FOCAD: variants seen among roughly 807,000 people sequenced by gnomAD.
FOCAD encodes the protein focadhesin.
In FOCAD, 198 loss-of-function variants were observed where a neutral mutation model predicts 225.6. That is an observed-to-expected ratio of 0.88 (90% confidence interval 0.78 to 0.99). The LOEUF is 0.99. Among genes scored for constraint, FOCAD ranks in the 50% least tolerant of loss-of-function variants. FOCAD has a pLI of 0.00. For missense variants in FOCAD, 2,713 were observed against 2,123.6 expected, an observed-to-expected ratio of 1.28 and a Z score of -5.46; for synonymous variants, 897 against 755.0, an observed-to-expected ratio of 1.19 and a Z score of -3.08.
At chr9:20,956,520 T>C (rs1838149057) in intron 35 of FOCAD, among the ~76,000 whole-genome samples, 1 of 152,188 alleles carries the variant, frequency 6.6e-6, no homozygotes, top group South Asian at 2.1e-4. Context: ...TGTTATATTG[T>C]ACCATAAAAT....
At chr9:20,829,898 T>A (rs1312860096) in intron 15 of FOCAD, among the ~76,000 whole-genome samples, 1 of 152,134 alleles carries the variant, frequency 6.6e-6, no homozygotes, top group African/African-American at 2.4e-5. Flanking sequence ...TTCTATATAG[T>A]TAACAGCATA....
chr9:20,672,258 C>T (rs182303202), intron 2 of FOCAD, among the ~76,000 whole-genome samples: 24 of 152,254 alleles, frequency 1.6e-4, no homozygotes, highest in African/African-American at 5.1e-4. Flanking sequence ...TTGGCATACT[C>T]TGTAGAAGAA....
At chr9:20,988,574 G>A (rs1425199699) in intron 41 of FOCAD, 145 bp downstream of exon 41, 1 of 355,138 alleles carries the variant, frequency 2.8e-6, no homozygotes, top group Non-Finnish European at 5.1e-6. Context: ...CCCAAAAGAG[G>A]AGCACGTTGC....
At chr9:20,689,936 G>T (rs771068565) in intron 1 of FOCAD, among the ~76,000 whole-genome samples, 2 of 152,226 alleles carry the variant, frequency 1.3e-5, no homozygotes, top group Non-Finnish European at 2.9e-5. Flanking sequence ...AGGATGGACA[G>T]TGTGGCCTAT....
intron 1 of FOCAD, among the ~76,000 whole-genome samples, chr9:20,689,042 A>G (rs572008624): frequency 6.6e-6 from 1 of 152,352 alleles, no homozygotes; most frequent in South Asian, 2.1e-4. Context: ...CTGGATAGGG[A>G]TGACGATAGA....
chr9:20,891,607 A>G (rs1831621374), intron 21 of FOCAD, among the ~76,000 whole-genome samples: 2 of 152,330 alleles, frequency 1.3e-5, no homozygotes, highest in South Asian at 2.1e-4. Flanking sequence ...GAAGACTCTA[A>G]CACTCTTTAA....
intron 24 of FOCAD, among the ~76,000 whole-genome samples, chr9:20,923,339 C>T (rs1330663631): frequency 6.6e-6 from 1 of 151,986 alleles, no homozygotes; most frequent in Non-Finnish European, 1.5e-5. Flanking sequence ...CCAAAGATGA[C>T]ACAGAAGAGA....
At chr9:20,938,923 A>G (rs554083282) in intron 28 of FOCAD, among the ~76,000 whole-genome samples, 1 of 151,072 alleles carries the variant, frequency 6.6e-6, no homozygotes, top group Admixed American at 6.6e-5. Flanking sequence ...TAAAAATGAT[A>G]AAGATGGTAC....
intron 11 of FOCAD, among the ~76,000 whole-genome samples, chr9:20,817,694 A>C (rs1823874880): frequency 6.6e-6 from 1 of 151,918 alleles, no homozygotes; most frequent in South Asian, 2.1e-4. Context: ...TTCAAGGTTC[A>C]TCCATGTTGT....
intron 19 of FOCAD, among the ~76,000 whole-genome samples, chr9:20,877,493 G>A (rs1830323487): frequency 6.6e-6 from 1 of 152,112 alleles, no homozygotes; most frequent in African/African-American, 2.4e-5. Flanking sequence ...ACATATTTTT[G>A]CAATCATAAA....
intron 32 of FOCAD, among the ~76,000 whole-genome samples, chr9:20,949,220 C>G (rs575320542): frequency 6.6e-6 from 1 of 152,216 alleles, no homozygotes; most frequent in East Asian, 1.9e-4. Flanking sequence ...TAAGAAATTT[C>G]AAAAGTTATT....
intron 36 of FOCAD, among the ~76,000 whole-genome samples, chr9:20,977,673 T>TAA (rs1230183804): frequency 3.9e-5 from 6 of 152,222 alleles, no homozygotes; most frequent in African/African-American, 1.4e-4. Flanking sequence ...TACTGTAATT[T>TAA]ATGTGTGGTT....
At position 20,759,712 on chromosome 9, in the gene FOCAD, T is replaced by C. The variant is rs1352281731; in HGVS notation, c.494+1521T>C. On this transcript the variant is annotated intron_variant, in intron 6 of 43. Coordinates refer to ENST00000338382, the MANE Select transcript of FOCAD (RefSeq NM_001375567.1). The stretch of plus-strand genomic sequence containing the variant: ...TCTTTTAAAGAGTAAAAGAAAAAAA[T>C]CTACCAGATTTATTGGTTGTTGAAA... Among the ~76,000 whole-genome samples the C allele has an allele frequency of 3.9e-5, 6 of 152,182 alleles. No individual in the cohort carries two copies. The East Asian group carries it at 9.6e-4, about 24-fold the overall frequency.
chr9:20,689,451 G>A (rs1250773374), intron 1 of FOCAD, among the ~76,000 whole-genome samples: 1 of 152,070 alleles, frequency 6.6e-6, no homozygotes, highest in Non-Finnish European at 1.5e-5. Flanking sequence ...AAGTACAGCG[G>A]GTGGGGGTGG....
upstream of FOCAD, among the ~76,000 whole-genome samples, chr9:20,680,423 T>G (rs1483850700): frequency 6.6e-6 from 1 of 152,172 alleles, no homozygotes; most frequent in Non-Finnish European, 1.5e-5. Context: ...CTGGGCATGG[T>G]GGCGCACGCC....
chr9:20,786,960 G>A, intron 10 of FOCAD: 4 of 472,564 alleles, frequency 8.5e-6, no homozygotes, highest in South Asian at 6.3e-5. Context: ...TCAGGCTATG[G>A]GGCCAGGATT....
chr9:20,926,674 T>G (rs1303997986), intron 26 of FOCAD, among the ~76,000 whole-genome samples: 1 of 151,312 alleles, frequency 6.6e-6, no homozygotes, highest in East Asian at 1.9e-4. Context: ...TCCCAGCTAC[T>G]CAGGAGGCTG....
chr9:20,753,555 G>A (rs1479612151), intron 5 of FOCAD, among the ~76,000 whole-genome samples: 1 of 150,924 alleles, frequency 6.6e-6, no homozygotes, highest in Non-Finnish European at 1.5e-5. Flanking sequence ...TGCTGGATTC[G>A]GTTTGCCAGT....
intron 21 of FOCAD, among the ~76,000 whole-genome samples, chr9:20,888,489 T>C (rs1278551612): frequency 6.6e-6 from 1 of 152,198 alleles, no homozygotes; most frequent in Non-Finnish European, 1.5e-5. Context: ...TTGAAGAATT[T>C]CAACTTACCA....
Sources: allele counts gnomAD v4.1 joint callset (sites outside exome capture counted in the v4.1 genomes callset), GRCh38; gene constraint gnomAD v4.1.1; transcripts MANE v1.5; gene names NCBI Gene and HGNC (gene_info 2026-07-23, HGNC 2026-07-21).